Variants in KLHL22 observed in about 807,000 individuals in gnomAD.
KLHL22 encodes kelch like family member 22, also known as kelch-like protein 22.
A neutral mutation model predicts 60.7 loss-of-function variants in KLHL22; 18 were observed. The ratio of observed to expected loss-of-function variants is 0.30; its 90% CI spans 0.20 to 0.44. The LOEUF is 0.44. Ranked by LOEUF, KLHL22 falls within the 20% of genes least tolerant of loss-of-function variation. KLHL22 has a pLI of 1.00. For missense variants in KLHL22, 596 were observed against 852.3 expected (o/e 0.70, Z 3.74); for synonymous variants, 355 against 354.5 (o/e 1.00, Z -0.01).
chr22:20,460,721 G>A (rs959968207), intron 4 of KLHL22, among the ~76,000 whole-genome samples: 1 of 146,940 alleles, frequency 6.8e-6, no homozygotes, highest in African/African-American at 2.5e-5. Flanking sequence ...TTTCCCTGTT[G>A]TGTCCTGTAT....
chr22:20,464,670 G>A (rs1025239964), intron 4 of KLHL22, among the ~76,000 whole-genome samples, 188 bp downstream of exon 4: 2 of 152,150 alleles, frequency 1.3e-5, no homozygotes, highest in Admixed American at 1.3e-4. Flanking sequence ...GAAAGAAGGC[G>A]ATCCACATGT....
rs1179518337 is a variant in KLHL22 at position 20,465,638 on chromosome 22, G to C, written c.394-62C>G. ...GTGAACAGCATCTGGGGGTGGGAGA[G>C]AGAATGATGGCAGAAATACGGGCTG... On this transcript the variant is annotated intron_variant, in intron 3 of 6. Coordinates refer to ENST00000328879, the MANE Select transcript of KLHL22 (RefSeq NM_032775.4). This position sits in a 1 kb window ranked among gnomAD's most constrained non-coding sequence, Gnocchi z 4.9. 3 of 847,472 alleles carry C rather than the reference G, an allele frequency of 3.5e-6. No homozygotes were observed. Among genetic ancestry groups the C allele is most frequent in the Non-Finnish European group, 6.2e-6 (3 of 482,834 alleles). 52.5% of individuals were successfully genotyped at this position (847,472 alleles called of 1,614,324 possible).
At chr22:20,449,732 T>C (rs933936304) in intron 5 of KLHL22, among the ~76,000 whole-genome samples, 2 of 152,254 alleles carry the variant, frequency 1.3e-5, no homozygotes, top group Admixed American at 6.5e-5. Flanking sequence ...GAGTTGTTTA[T>C]ATATGTATTT....
intron 2 of KLHL22, among the ~76,000 whole-genome samples, chr22:20,478,688 G>A (rs2053452186): frequency 1.3e-5 from 2 of 148,590 alleles, no homozygotes; most frequent in South Asian, 4.2e-4. Context: ...CTAATTTTTT[G>A]TATTTTTAGT....
chr22:20,450,035 G>C (rs527975030), intron 5 of KLHL22: 16 of 644,244 alleles, frequency 2.5e-5, no homozygotes, highest in Non-Finnish European at 4.3e-5. Flanking sequence ...CCACAGGCTG[G>C]GGACAGGCCC....
chr22:20,452,777 C>T (rs1057251842), intron 5 of KLHL22, among the ~76,000 whole-genome samples: 3 of 152,228 alleles, frequency 2.0e-5, no homozygotes, highest in African/African-American at 7.2e-5. Flanking sequence ...CACTATTACA[C>T]TTCCACACTA....
intron 5 of KLHL22, among the ~76,000 whole-genome samples, chr22:20,447,504 G>A (rs1185678299): frequency 6.6e-6 from 1 of 151,996 alleles, no homozygotes; most frequent in African/African-American, 2.4e-5. Flanking sequence ...GTTTGGTTTG[G>A]GTCTTCTCCT....
chr22:20,489,961 C>T (rs967334007), intron 1 of KLHL22: 12 of 365,066 alleles, frequency 3.3e-5, no homozygotes, highest in African/African-American at 1.3e-4. Flanking sequence ...TGAGTCAGTA[C>T]GTTCAAAAAC....
intron 2 of KLHL22, chr22:20,481,833 GACTGA>G (rs1347414566): frequency 6.6e-6 from 1 of 152,300 alleles, no homozygotes; most frequent in African/African-American, 2.4e-5. Flanking sequence ...CAAACTCCAG[GACTGA>G]ACTGATCTGC....
chr22:20,479,074 A>C (rs954119424), intron 2 of KLHL22, among the ~76,000 whole-genome samples: 2 of 151,250 alleles, frequency 1.3e-5, no homozygotes, highest in African/African-American at 4.9e-5. Context: ...GGTTGCAGTG[A>C]GCCGAGATGA....
intron 2 of KLHL22, among the ~76,000 whole-genome samples, chr22:20,472,369 T>G (rs908168887): frequency 6.6e-6 from 1 of 152,192 alleles, no homozygotes; most frequent in Non-Finnish European, 1.5e-5. Flanking sequence ...GGCAGGCAGA[T>G]CCCTTGAGCC....
At chr22:20,446,144 T>C (rs2052856081) in intron 6 of KLHL22, among the ~76,000 whole-genome samples, 1 of 152,196 alleles carries the variant, frequency 6.6e-6, no homozygotes, top group African/African-American at 2.4e-5. Context: ...ACCTATAGAA[T>C]GTGCCAAGAG....
At chr22:20,451,573 C>T (rs2052979613) in intron 5 of KLHL22, 13 of 1,596,098 alleles carry the variant, frequency 8.1e-6, no homozygotes, top group East Asian at 2.2e-5. Flanking sequence ...TGGTACAGCC[C>T]ACCTTTCTTC....
chr22:20,465,286 C>A lies in KLHL22; in HGVS notation c.684G>T (p.Gln228His), dbSNP rs755524502. ...GCTCGTGCAGCGAGATCTGGTCAGC[C>A]TGCACCTGCTCCAGGCTATAATGGT... ...LLYHYSLEQV[Q>H]ADQISLHEPP... Residue 228 changes from glutamine to histidine, a missense_variant, in exon 4 of 7, where the codon CAG becomes CAT. By Grantham distance (24) the Gln-to-His change is conservative. Coordinates refer to ENST00000328879, the MANE Select transcript of KLHL22 (RefSeq NM_032775.4). The surrounding 1 kb of genome is among the most constrained non-coding windows in gnomAD (Gnocchi z 4.9). 1 of 1,614,094 alleles carries A rather than the reference C, an allele frequency of 6.2e-7. No individual in the cohort carries two copies. Among genetic ancestry groups the A allele is most frequent in the East Asian group, 2.2e-5 (1 of 44,882 alleles).
chr22:20,476,405 ATTTTTTTTTT>A (rs57189584), intron 2 of KLHL22, among the ~76,000 whole-genome samples: 5 of 69,354 alleles, frequency 7.2e-5, no homozygotes, highest in African/African-American at 3.2e-4. Context: ...ATTGACACAG[ATTTTTTTTTT>A]TTTTTTTTTT....
At chr22:20,476,953 C>G (rs1014943680) in intron 2 of KLHL22, among the ~76,000 whole-genome samples, 9 of 151,526 alleles carry the variant, frequency 5.9e-5, no homozygotes, top group African/African-American at 1.9e-4. Context: ...GTGATCCACC[C>G]ACCTCGGCCT....
intron 5 of KLHL22, among the ~76,000 whole-genome samples, chr22:20,454,723 A>G (rs2053035526): frequency 6.6e-6 from 1 of 152,194 alleles, no homozygotes; most frequent in South Asian, 2.1e-4. Flanking sequence ...TAATATATGT[A>G]TTATTAATTG....
At chr22:20,447,544 CTTTTTT>C (rs11463939) in intron 5 of KLHL22, among the ~76,000 whole-genome samples, 1 of 135,470 alleles carries the variant, frequency 7.4e-6, no homozygotes, top group Admixed American at 7.5e-5. Flanking sequence ...GGAGGTTTTT[CTTTTTT>C]TTTTTTTTTT....
chr22:20,472,384 A>G (rs2053341051), intron 2 of KLHL22, among the ~76,000 whole-genome samples: 1 of 152,238 alleles, frequency 6.6e-6, no homozygotes, highest in Non-Finnish European at 1.5e-5. Context: ...TGAGCCTAGG[A>G]GTTCAAGACC....
Sources: allele counts gnomAD v4.1 joint callset (sites outside exome capture counted in the v4.1 genomes callset), GRCh38; gene constraint gnomAD v4.1.1; non-coding constraint Gnocchi (gnomAD v3.1); transcripts MANE v1.5; gene names NCBI Gene and HGNC (gene_info 2026-07-23, HGNC 2026-07-21).